Variants in PTPRT observed in about 807,000 individuals in gnomAD.
PTPRT encodes receptor-type tyrosine-protein phosphatase T.
A neutral mutation model predicts 176.8 loss-of-function variants in PTPRT; 56 were observed. That is an observed-to-expected ratio of 0.32 (90% CI 0.26 to 0.40). The LOEUF (loss-of-function observed/expected upper bound fraction) is 0.40. Among genes scored for constraint, PTPRT ranks in the 10% least tolerant of loss-of-function variants. The pLI is 1.00. For synonymous variants in PTPRT, 783 were observed against 739.0 expected (o/e 1.06, Z -0.96); for missense variants, 1,540 against 1,908.2 (o/e 0.81, Z 3.60).
rs181130073 is a variant in PTPRT, at chr20:42,162,223, A to G, written c.2492-681T>C. ...ACTATTAATCCAGTGGCATCACTGA[A>G]CCCACTTTGCAGATAGGGAAGCCTG... On this transcript the variant is annotated intron_variant, in intron 16 of 30. Coordinates refer to ENST00000373187, the MANE Select transcript of PTPRT (RefSeq NM_007050.6). Among the ~76,000 whole-genome samples the G allele has an allele frequency of 2.0e-3, 297 of 152,280 alleles. 2 individuals are homozygous for G. Among genetic ancestry groups the G allele is most frequent in the African/African-American group, 6.7e-3 (278 of 41,552 alleles).
chr20:43,130,813 TC>T (rs751636904), intron 1 of PTPRT, among the ~76,000 whole-genome samples: 2,320 of 121,622 alleles, frequency 0.019, 18 homozygotes, highest in Middle Eastern at 0.026. Flanking sequence ...GGAAGGATTT[TC>T]AAAAAAAAAA....
chr20:42,065,954 GTCTT>G, the PTPRT span, among the ~76,000 whole-genome samples: 1 of 150,882 alleles, frequency 6.6e-6, no homozygotes, highest in African/African-American at 2.4e-5. Context: ...ATGATTATAT[GTCTT>G]TCTTTTTACT....
At chr20:43,038,266 C>T (rs1348840540) in intron 1 of PTPRT, among the ~76,000 whole-genome samples, 1 of 151,924 alleles carries the variant, frequency 6.6e-6, no homozygotes, top group East Asian at 1.9e-4. Context: ...GATTAAGGAG[C>T]TGTATAAAAT....
At chr20:42,271,182 T>C (rs2056928235) in intron 13 of PTPRT, among the ~76,000 whole-genome samples, 1 of 152,056 alleles carries the variant, frequency 6.6e-6, no homozygotes, top group Non-Finnish European at 1.5e-5. Context: ...TCTGGTCTTG[T>C]CTCTCTTCAC....
chr20:42,450,285 ATTTTTAAGG>A (rs1395521317), intron 8 of PTPRT, among the ~76,000 whole-genome samples: 1 of 152,232 alleles, frequency 6.6e-6, no homozygotes, highest in East Asian at 1.9e-4. Flanking sequence ...GAACTATTTT[ATTTTTAAGG>A]CTTTTGACAT....
At chr20:42,696,803 G>A (rs527997750) in intron 6 of PTPRT, among the ~76,000 whole-genome samples, 11 of 152,156 alleles carry the variant, frequency 7.2e-5, no homozygotes, top group South Asian at 4.2e-4. Flanking sequence ...GGAGCTCTGC[G>A]AGCTTGGGAG....
At chr20:42,587,619 C>G (rs1420318207) in intron 7 of PTPRT, among the ~76,000 whole-genome samples, 1 of 152,200 alleles carries the variant, frequency 6.6e-6, no homozygotes, top group Non-Finnish European at 1.5e-5. Context: ...GCTCCAAGCC[C>G]CAGACTTATC....
intron 9 of PTPRT, among the ~76,000 whole-genome samples, chr20:42,421,292 A>ACG (rs2145770815): frequency 6.6e-6 from 1 of 150,768 alleles, no homozygotes; most frequent in African/African-American, 2.4e-5. Flanking sequence ...GCACACACAC[A>ACG]CACACTTTTT....
chr20:42,701,126 A>G (rs1486897962), intron 6 of PTPRT, among the ~76,000 whole-genome samples: 1 of 152,154 alleles, frequency 6.6e-6, no homozygotes, highest in African/African-American at 2.4e-5. Context: ...TGTATTTTAA[A>G]CCACCGCAGA....
intron 9 of PTPRT, among the ~76,000 whole-genome samples, chr20:42,368,997 C>T (rs1478034468): frequency 6.6e-6 from 1 of 151,698 alleles, no homozygotes; most frequent in Non-Finnish European, 1.5e-5. Context: ...TCCTTTCCTT[C>T]CTTCCTTTCC....
chr20:42,554,073 G>C (rs1191853698), intron 7 of PTPRT, among the ~76,000 whole-genome samples: 1 of 152,070 alleles, frequency 6.6e-6, no homozygotes, highest in Non-Finnish European at 1.5e-5. Flanking sequence ...TATAATCTTT[G>C]CAGGATTTTC....
At position 42,128,619 on chromosome 20, in the gene PTPRT, T is replaced by C. The variant is rs1987973283; in HGVS notation, c.2847+135A>G. Reference sequence around the variant, plus strand: ...TGGTAGATGGACAGTCAACTTGGGTTACACTAGTTCCACATATCAAGGAGG... The same window carrying C: ...TGGTAGATGGACAGTCAACTTGGGTCACACTAGTTCCACATATCAAGGAGG... On this transcript the variant is annotated intron_variant, in intron 19 of 30. Coordinates refer to ENST00000373187, the MANE Select transcript of PTPRT (RefSeq NM_007050.6). 3.2e-5 allele frequency: 21 copies of C among 663,320 alleles called. No individual in the cohort carries two copies. The South Asian group carries it at 4.9e-4, about 15-fold the overall frequency. The allele number at this position is 663,320 out of a possible 1,614,324, so 41.1% of individuals were successfully genotyped here.
In PTPRT at chr20:42,686,073, C is replaced by A. The variant is rs910074052; in HGVS notation, c.860-7914G>T. 2.6e-5 allele frequency: 4 copies of A among 152,330 alleles called. No homozygotes were observed. In the South Asian group the frequency reaches 8.3e-4, roughly 32 times the overall value. 9.4% of individuals were successfully genotyped at this position (152,330 alleles called of 1,614,324 possible). A position where few individuals can be genotyped will look rare whatever the true frequency, so the allele number is the denominator to read the frequency against. On this transcript the variant is annotated intron_variant, in intron 6 of 30. Transcript: ENST00000373187. ...AAGACCTCCACTGTGAGTTTTGACA[C>A]TTGACTTTCAGATAATCCTCTAATC...
intron 11 of PTPRT, among the ~76,000 whole-genome samples, chr20:42,345,177 T>A (rs1312760960): frequency 6.6e-6 from 1 of 152,078 alleles, no homozygotes; most frequent in Non-Finnish European, 1.5e-5. Context: ...TCCTGAAATT[T>A]AAATTAATTA....
chr20:43,006,093 A>G (rs1984841498), intron 1 of PTPRT, among the ~76,000 whole-genome samples: 1 of 152,242 alleles, frequency 6.6e-6, no homozygotes, highest in Admixed American at 6.5e-5. Flanking sequence ...AGCATATATT[A>G]CAAAATGAGT....
chr20:42,247,639 G>C (rs1410596855), intron 14 of PTPRT, among the ~76,000 whole-genome samples: 2 of 152,146 alleles, frequency 1.3e-5, no homozygotes, highest in African/African-American at 4.8e-5. Context: ...AATGTAGAAG[G>C]CTCTTTTGCC....
At chr20:42,037,555 C>A in the PTPRT span, among the ~76,000 whole-genome samples, 14 of 152,154 alleles carry the variant, frequency 9.2e-5, no homozygotes, top group African/African-American at 3.4e-4. Context: ...ACCCGAGGGG[C>A]TAGACAAGGG....
At chr20:42,931,751 G>C (rs1034131814) in intron 1 of PTPRT, among the ~76,000 whole-genome samples, 1 of 152,172 alleles carries the variant, frequency 6.6e-6, no homozygotes, top group African/African-American at 2.4e-5. Context: ...ACAAGTATTT[G>C]TCAAAGGATT....
chr20:42,201,700 T>C (rs977898516), intron 15 of PTPRT, among the ~76,000 whole-genome samples: 14 of 112,472 alleles, frequency 1.2e-4, no homozygotes, highest in Non-Finnish European at 2.0e-4. Flanking sequence ...CAGCCAGTCA[T>C]AGACAACCTG....
Sources: allele counts gnomAD v4.1 joint callset (sites outside exome capture counted in the v4.1 genomes callset), GRCh38; gene constraint gnomAD v4.1.1; transcripts MANE v1.5; gene names NCBI Gene and HGNC (gene_info 2026-07-23, HGNC 2026-07-21).